The following RNF17 variants were observed in gnomAD, a reference collection of about 807,000 sequenced individuals.
The protein encoded by RNF17 is ring finger protein 17.
In RNF17, 31 loss-of-function variants were observed where a neutral mutation model predicts 200.5. That is an observed-to-expected ratio of 0.15 (90% CI 0.12 to 0.21). RNF17 has a LOEUF of 0.21. RNF17 is among the 10% of genes least tolerant of loss of function. The probability of loss-of-function intolerance (pLI) is 1.00; values close to 1 mark genes in which losing one functional copy is unlikely to be tolerated. For missense variants in RNF17, 1,628 were observed against 1,905.1 expected, an observed-to-expected ratio of 0.85 and a Z score of 2.71; for synonymous variants, 606 against 637.8, an observed-to-expected ratio of 0.95 and a Z score of 0.75.
At chr13:24,848,454 G>A (rs1052909817) in intron 22 of RNF17, among the ~76,000 whole-genome samples, 3 of 152,168 alleles carry the variant, frequency 2.0e-5, no homozygotes, top group Admixed American at 2.0e-4. Context: ...TTGAGGTCAG[G>A]AGTTTAAGAC....
chr13:24,854,968 C>T (rs1221388295), intron 25 of RNF17, among the ~76,000 whole-genome samples: 2 of 152,244 alleles, frequency 1.3e-5, no homozygotes, highest in East Asian at 3.9e-4. Flanking sequence ...GTTTTGCCAC[C>T]CCAGATACAG....
At chr13:24,845,779 C>T (rs1056323575) in intron 22 of RNF17, among the ~76,000 whole-genome samples, 1 of 152,324 alleles carries the variant, frequency 6.6e-6, no homozygotes, top group East Asian at 1.9e-4. Flanking sequence ...ATGTGCCAAA[C>T]TCCCACAATA....
intron 30 of RNF17, among the ~76,000 whole-genome samples, chr13:24,867,969 A>C (rs2138378882): frequency 6.6e-6 from 1 of 152,330 alleles, no homozygotes; most frequent in South Asian, 2.1e-4. Context: ...CAAACACCCC[A>C]GCCCTCATTA....
chr13:24,785,055 T>C, intron 6 of RNF17, among the ~76,000 whole-genome samples: 1 of 152,284 alleles, frequency 6.6e-6, no homozygotes, highest in East Asian at 1.9e-4. Flanking sequence ...AATCTTGAAG[T>C]CAAACTTTTG....
At chr13:24,803,429 G>T (rs1885492701) in intron 14 of RNF17, among the ~76,000 whole-genome samples, 1 of 152,072 alleles carries the variant, frequency 6.6e-6, no homozygotes. Context: ...CTTCCCAGTA[G>T]CTGGAATTGC....
At chr13:24,802,121 G>T (rs1885316977) in intron 13 of RNF17, among the ~76,000 whole-genome samples, 1 of 152,102 alleles carries the variant, frequency 6.6e-6, no homozygotes, top group Non-Finnish European at 1.5e-5. Context: ...GAGTAGCTGG[G>T]ATTAAAGGCA....
In RNF17 at chr13:24,764,696, A is replaced by G. The variant is rs532868115; in HGVS notation, c.130+363A>G. The stretch of plus-strand genomic sequence containing the variant: ...TTGTTTTGTCATCAAGAAGGAACGA[A>G]ACTTGATTTTCTCCTGTAGTTTTTG... On this transcript the variant is annotated intron_variant, in intron 1 of 35. Transcript: ENST00000255324. 2.0e-5 allele frequency among the ~76,000 whole-genome samples: 3 copies of G among 152,292 alleles called. No individual in the cohort carries two copies. In the South Asian group the frequency reaches 6.2e-4, roughly 32 times the overall value.
At chr13:24,809,396 C>T (rs1205195718) in intron 15 of RNF17, among the ~76,000 whole-genome samples, 3 of 152,154 alleles carry the variant, frequency 2.0e-5, no homozygotes, top group Admixed American at 6.5e-5. Context: ...AGGAATTTAT[C>T]CATTTCTTCT....
chr13:24,829,766 A>T (rs1296669858), intron 16 of RNF17, among the ~76,000 whole-genome samples: 5 of 152,208 alleles, frequency 3.3e-5, no homozygotes. Context: ...TTTTTTAAAA[A>T]CTTCTCTGTG....
chr13:24,783,370 T>A (rs537042491), intron 6 of RNF17, among the ~76,000 whole-genome samples: 1 of 152,318 alleles, frequency 6.6e-6, no homozygotes, highest in Non-Finnish European at 1.5e-5. Flanking sequence ...TTTCTCAGGG[T>A]CTCTTAAGAT....
intron 15 of RNF17, among the ~76,000 whole-genome samples, chr13:24,825,075 G>A (rs1888476067): frequency 6.6e-6 from 1 of 152,066 alleles, no homozygotes; most frequent in African/African-American, 2.4e-5. Flanking sequence ...CATAAGGTAT[G>A]GGGCATTCTG....
chr13:24,779,987 A>C (rs1405621939), intron 5 of RNF17, among the ~76,000 whole-genome samples: 1 of 152,164 alleles, frequency 6.6e-6, no homozygotes, highest in Non-Finnish European at 1.5e-5. Context: ...CCTTGCTATG[A>C]GCTGAATTTT....
chr13:24,797,429 A>G (rs1484590962), intron 11 of RNF17, among the ~76,000 whole-genome samples: 1 of 152,206 alleles, frequency 6.6e-6, no homozygotes, highest in African/African-American at 2.4e-5. Context: ...TGGCTTCAGC[A>G]GACTTTTATC....
intron 3 of RNF17, among the ~76,000 whole-genome samples, chr13:24,776,196 A>G (rs1340807384): frequency 6.6e-6 from 1 of 152,114 alleles, no homozygotes; most frequent in Non-Finnish European, 1.5e-5. Context: ...AGTATCTCCT[A>G]TGTCCATAAC....
chr13:24,822,472 A>G (rs1358103375), intron 15 of RNF17, among the ~76,000 whole-genome samples: 1 of 151,306 alleles, frequency 6.6e-6, no homozygotes, highest in Non-Finnish European at 1.5e-5. Context: ...CCCTGGCTAG[A>G]GTGCAGTGGC....
intron 15 of RNF17, among the ~76,000 whole-genome samples, chr13:24,817,037 A>G (rs1887490836): frequency 6.6e-6 from 1 of 152,172 alleles, no homozygotes; most frequent in African/African-American, 2.4e-5. Context: ...TTAGTATTTC[A>G]TTGAGGATAT....
intron 2 of RNF17, among the ~76,000 whole-genome samples, chr13:24,767,904 A>G (rs1057366090): frequency 6.6e-6 from 1 of 152,228 alleles, no homozygotes; most frequent in Non-Finnish European, 1.5e-5. Flanking sequence ...ATCGGCCTAC[A>G]TATTTTGATT....
chr13:24,797,587 G>GT (rs1422459240), intron 11 of RNF17, among the ~76,000 whole-genome samples: 1 of 152,066 alleles, frequency 6.6e-6, no homozygotes, highest in African/African-American at 2.4e-5. Flanking sequence ...GTCTGTGTGG[G>GT]TTTTTTCAGG....
intron 18 of RNF17, among the ~76,000 whole-genome samples, chr13:24,841,447 A>G (rs1293468209): frequency 6.6e-6 from 1 of 152,198 alleles, no homozygotes; most frequent in Non-Finnish European, 1.5e-5. Flanking sequence ...TCTTCAATGA[A>G]TGTATTTTTC....
Sources: gnomAD v4.1 joint callset for allele counts (sites outside exome capture counted in the v4.1 genomes callset) on GRCh38, gnomAD v4.1.1 for gene constraint, MANE v1.5 for transcripts, NCBI Gene and HGNC (gene_info 2026-07-23, HGNC 2026-07-21) for gene names.